AGBL4: variants seen among roughly 807,000 people sequenced by gnomAD.
The protein encoded by AGBL4 is AGBL carboxypeptidase 4.
In AGBL4, 58 loss-of-function variants were observed where a neutral mutation model predicts 66.4. The ratio of observed to expected loss-of-function variants is 0.87; its 90% CI spans 0.71 to 1.09. The LOEUF is 1.09. AGBL4 is among the 50% of genes least tolerant of loss of function. The probability of loss-of-function intolerance (pLI) is 0.00; values close to 1 mark genes in which losing one functional copy is unlikely to be tolerated. For synonymous variants in AGBL4, 234 were observed against 222.9 expected, an observed-to-expected ratio of 1.05 and a Z score of -0.44; for missense variants, 579 against 631.0, an observed-to-expected ratio of 0.92 and a Z score of 0.88.
At chr1:49,977,024 C>T (rs1220338457) in intron 1 of AGBL4, among the ~76,000 whole-genome samples, 2 of 152,178 alleles carry the variant, frequency 1.3e-5, no homozygotes, top group African/African-American at 4.8e-5. Flanking sequence ...TTATAAGTTA[C>T]CTTTATAATC....
intron 3 of AGBL4, among the ~76,000 whole-genome samples, chr1:49,556,029 G>T (rs934602516): frequency 3.3e-5 from 5 of 152,082 alleles, no homozygotes; most frequent in African/African-American, 1.2e-4. Context: ...CCATTACTGG[G>T]TATATACCCA....
rs36108634 is a variant in AGBL4 at position 48,768,135 on chromosome 1, G to A, written c.634+99056C>T. ...TCCTACAGCAACAAGAGAAAAATAA[G>A]GAAGTTGCTGTAACTTCCTCAAATG... On this transcript the variant is annotated intron_variant, in intron 6 of 13. Coordinates refer to ENST00000371839, the MANE Select transcript of AGBL4 (RefSeq NM_032785.4). 3.9e-3 allele frequency among the ~76,000 whole-genome samples: 589 copies of A among 151,600 alleles called. 2 individuals carry two copies. Among genetic ancestry groups the A allele is most frequent in the Non-Finnish European group, 5.3e-3 (359 of 67,958 alleles).
rs116699490 is a variant in AGBL4, at chr1:48,919,058, G to C, written c.595-51828C>G. ...AGGTAGGCCACTGGACTCACTCCAA[G>C]TCTGGAGAAAATAAACTGTAGTCAC... On this transcript the variant is annotated intron_variant, in intron 5 of 13. Coordinates refer to ENST00000371839, the MANE Select transcript of AGBL4 (RefSeq NM_032785.4). 4.3e-3 allele frequency among the ~76,000 whole-genome samples: 649 copies of C among 152,320 alleles called. 1 individual carries two copies. The highest frequency in any genetic ancestry group is 7.2e-3 in the Non-Finnish European group (493 of 68,030).
At chr1:49,092,507 A>G (rs1389910292) in intron 4 of AGBL4, among the ~76,000 whole-genome samples, 1 of 152,064 alleles carries the variant, frequency 6.6e-6, no homozygotes, top group Non-Finnish European at 1.5e-5. Context: ...CTTGAGGCTC[A>G]TTTTCTGAAT....
At chr1:49,796,118 T>C (rs1366182247) in intron 2 of AGBL4, among the ~76,000 whole-genome samples, 1 of 151,852 alleles carries the variant, frequency 6.6e-6, no homozygotes, top group Non-Finnish European at 1.5e-5. Context: ...GGGCAAAAGA[T>C]ATGAACAGGT....
chr1:48,943,685 C>T (rs1455457842), intron 5 of AGBL4, among the ~76,000 whole-genome samples: 5 of 152,106 alleles, frequency 3.3e-5, no homozygotes, highest in Non-Finnish European at 5.9e-5. Flanking sequence ...ACAGCTGATA[C>T]AAGTAGGCAG....
chr1:49,761,131 GTT>G (rs559439979), intron 2 of AGBL4, among the ~76,000 whole-genome samples: 182 of 136,144 alleles, frequency 1.3e-3, no homozygotes, highest in South Asian at 3.1e-3. Context: ...CATGCATCCC[GTT>G]TTTTTTTTTT....
intron 6 of AGBL4, among the ~76,000 whole-genome samples, chr1:48,812,672 G>A (rs1646078848): frequency 6.6e-6 from 1 of 152,120 alleles, no homozygotes; most frequent in Non-Finnish European, 1.5e-5. Context: ...TATGTTTATT[G>A]CGGCACTATT....
intron 3 of AGBL4, among the ~76,000 whole-genome samples, chr1:49,571,898 T>A (rs1032276784): frequency 6.6e-6 from 1 of 152,184 alleles, no homozygotes; most frequent in Admixed American, 6.5e-5. Context: ...TGAACCATTC[T>A]TGCAAGCCTG....
intron 2 of AGBL4, among the ~76,000 whole-genome samples, chr1:49,823,239 T>C (rs897058679): frequency 2.0e-5 from 3 of 152,190 alleles, no homozygotes; most frequent in African/African-American, 7.2e-5. Flanking sequence ...TTACTTAAAG[T>C]TGGATTTTCT....
chr1:49,159,159 G>C (rs919860609), intron 4 of AGBL4, among the ~76,000 whole-genome samples: 1 of 151,884 alleles, frequency 6.6e-6, no homozygotes, highest in African/African-American at 2.4e-5. Context: ...TCATAGCACC[G>C]ATGGTCTTTA....
chr1:49,289,023 G>A (rs1333733945), intron 3 of AGBL4, among the ~76,000 whole-genome samples: 1 of 151,982 alleles, frequency 6.6e-6, no homozygotes, highest in East Asian at 1.9e-4. Flanking sequence ...CACAGAGAGA[G>A]AGAGAGAGAA....
At chr1:49,405,390 G>C (rs1355214428) in intron 3 of AGBL4, among the ~76,000 whole-genome samples, 1 of 152,160 alleles carries the variant, frequency 6.6e-6, no homozygotes, top group Non-Finnish European at 1.5e-5. Flanking sequence ...CTCTTTGCAA[G>C]TTATTACCTT....
intron 4 of AGBL4, among the ~76,000 whole-genome samples, chr1:49,198,429 C>CT (rs1647404590): frequency 6.6e-6 from 1 of 152,186 alleles, no homozygotes; most frequent in Non-Finnish European, 1.5e-5. Flanking sequence ...TAACCTTCAT[C>CT]TTCCAGGTTC....
At chr1:49,561,754 G>A (rs1305258841) in intron 3 of AGBL4, among the ~76,000 whole-genome samples, 9 of 152,178 alleles carry the variant, frequency 5.9e-5, no homozygotes, top group Admixed American at 1.3e-4. Flanking sequence ...TGTGAATAGC[G>A]CCACAATAAA....
chr1:49,520,809 CTTT>C (rs780615627), intron 3 of AGBL4, among the ~76,000 whole-genome samples: 10 of 139,126 alleles, frequency 7.2e-5, no homozygotes, highest in South Asian at 2.3e-4. Flanking sequence ...AGATCACTCA[CTTT>C]TTTTTTTTTT....
chr1:48,934,375 T>A (rs150250144), intron 5 of AGBL4, among the ~76,000 whole-genome samples: 11 of 152,296 alleles, frequency 7.2e-5, no homozygotes, highest in Non-Finnish European at 1.6e-4. Context: ...TATGTATATC[T>A]GTTGTCCCAC....
intron 3 of AGBL4, among the ~76,000 whole-genome samples, chr1:49,627,235 T>C (rs1334992179): frequency 1.3e-5 from 2 of 152,146 alleles, no homozygotes; most frequent in Admixed American, 6.6e-5. Context: ...CATCAGCAGG[T>C]GTGGTATTGT....
chr1:49,031,486 T>A (rs369648381), intron 5 of AGBL4, among the ~76,000 whole-genome samples: 5 of 152,254 alleles, frequency 3.3e-5, no homozygotes, highest in Admixed American at 3.3e-4. Flanking sequence ...GGAGAACATA[T>A]TTGTAAACCA....
Sources: allele counts gnomAD v4.1 joint callset (sites outside exome capture counted in the v4.1 genomes callset), GRCh38; gene constraint gnomAD v4.1.1; transcripts MANE v1.5; gene names NCBI Gene and HGNC (gene_info 2026-07-23, HGNC 2026-07-21).